GALNTL6: variants seen among roughly 807,000 people sequenced by gnomAD.
GALNTL6 encodes the protein polypeptide N-acetylgalactosaminyltransferase-like 6.
GALNTL6 carries 46 observed loss-of-function variants against 73.7 expected under a neutral mutation model. The observed-to-expected ratio is 0.62, with a 90% CI of 0.49 to 0.80. The LOEUF (loss-of-function observed/expected upper bound fraction) is 0.80. Among genes scored for constraint, GALNTL6 ranks in the 30% least tolerant of loss-of-function variants. The pLI, the probability that GALNTL6 is intolerant of heterozygous loss-of-function variation, is 0.00. For synonymous variants in GALNTL6, 259 were observed against 263.7 expected, an observed-to-expected ratio of 0.98 and a Z score of 0.17; for missense variants, 604 against 755.0, an observed-to-expected ratio of 0.80 and a Z score of 2.34.
At chr4:172,581,895 G>T (rs913874125) in intron 5 of GALNTL6, among the ~76,000 whole-genome samples, 1 of 152,224 alleles carries the variant, frequency 6.6e-6, no homozygotes, top group Non-Finnish European at 1.5e-5. Context: ...ACCAGGTCAG[G>T]ATAGATCTGG....
Position 171,863,761 on chromosome 4 carries a change from C to T in GALNTL6, c.138+49043C>T, listed in dbSNP as rs183113456. The stretch of plus-strand genomic sequence containing the variant: ...ATAATACCTGAGGAGAAAAGGAACA[C>T]TTTTTTTTTTTTTGAGACATAGTTT... On this transcript the variant is annotated intron_variant, in intron 2 of 12. Coordinates refer to ENST00000506823, the MANE Select transcript of GALNTL6 (RefSeq NM_001034845.3). Among the ~76,000 whole-genome samples the T allele has an allele frequency of 1.0e-2, 1,450 of 145,482 alleles. 11 individuals carry two copies. Among genetic ancestry groups the T allele is most frequent in the South Asian group, 0.029 (132 of 4,582 alleles).
intron 2 of GALNTL6, among the ~76,000 whole-genome samples, chr4:172,181,723 T>C (rs968125553): frequency 5.3e-5 from 8 of 151,206 alleles, no homozygotes; most frequent in Non-Finnish European, 1.2e-4. Context: ...TCTTCTTTTT[T>C]TTTTTTTTTT....
At chr4:172,453,971 G>A (rs987591174) in intron 5 of GALNTL6, among the ~76,000 whole-genome samples, 6 of 152,108 alleles carry the variant, frequency 3.9e-5, no homozygotes, top group Non-Finnish European at 8.8e-5. Context: ...ATACTATGAA[G>A]GAATTAATCT....
chr4:172,627,162 C>T (rs114402532), intron 5 of GALNTL6, among the ~76,000 whole-genome samples: 158 of 152,036 alleles, frequency 1.0e-3, no homozygotes, highest in African/African-American at 3.6e-3. Flanking sequence ...TTCTGAGGTA[C>T]GTTTCTTCAA....
At chr4:171,932,197 T>A (rs949446241) in intron 2 of GALNTL6, among the ~76,000 whole-genome samples, 5 of 152,148 alleles carry the variant, frequency 3.3e-5, no homozygotes, top group African/African-American at 1.2e-4. Context: ...ATAGCATAAA[T>A]AGCATACACT....
chr4:172,813,262 C>A lies in GALNTL6; in HGVS notation c.740-278C>A, dbSNP rs143955237. On this transcript the variant is annotated intron_variant, in intron 6 of 12. Transcript: ENST00000506823. The stretch of plus-strand genomic sequence containing the variant: ...ATGACAGACTGGGGACAGGTCAGGG[C>A]AAAAATGTGACAGAGGTAGAGCTAA... Among the ~76,000 whole-genome samples the A allele has an allele frequency of 4.7e-3, 719 of 152,196 alleles. 7 individuals are homozygous for A. Among genetic ancestry groups the A allele is most frequent in the African/African-American group, 0.016 (676 of 41,552 alleles).
chr4:171,962,987 C>G (rs1296781457), intron 2 of GALNTL6, among the ~76,000 whole-genome samples: 1 of 151,270 alleles, frequency 6.6e-6, no homozygotes, highest in East Asian at 1.9e-4. Context: ...AGGATGGTCT[C>G]AATCTCTTGA....
chr4:172,002,226 C>A (rs1184649413), intron 2 of GALNTL6, among the ~76,000 whole-genome samples: 1 of 152,160 alleles, frequency 6.6e-6, no homozygotes, highest in Non-Finnish European at 1.5e-5. Flanking sequence ...TATGTTGAAA[C>A]TGAATCCTCA....
chr4:172,788,068 G>A (rs1739760338), intron 5 of GALNTL6, among the ~76,000 whole-genome samples: 1 of 152,146 alleles, frequency 6.6e-6, no homozygotes, highest in Admixed American at 6.6e-5. Flanking sequence ...GGAGCAGGCT[G>A]GGCATGGTGG....
chr4:172,455,710 G>T lies in GALNTL6; in HGVS notation c.553+107021G>T, dbSNP rs545535881. The stretch of plus-strand genomic sequence containing the variant: ...TGAAAGAAGGCAGCAGCCACAGTCA[G>T]GGGCTTATTCCCATCTCCCTGGGAC... On this transcript the variant is annotated intron_variant, in intron 5 of 12. Transcript: ENST00000506823. Among the ~76,000 whole-genome samples the T allele has an allele frequency of 5.9e-5, 9 of 152,262 alleles. No individual in the cohort carries two copies. The East Asian group carries it at 1.7e-3, about 29-fold the overall frequency.
intron 9 of GALNTL6, among the ~76,000 whole-genome samples, chr4:172,939,169 G>A (rs1748783795): frequency 6.6e-6 from 1 of 152,032 alleles, no homozygotes; most frequent in Middle Eastern, 3.2e-3. Context: ...GGTGGCATGT[G>A]CCTATAGTCC....
At chr4:172,744,332 A>G (rs1056225049) in intron 5 of GALNTL6, among the ~76,000 whole-genome samples, 1 of 152,108 alleles carries the variant, frequency 6.6e-6, no homozygotes, top group Admixed American at 6.6e-5. Context: ...CTTAGCTATC[A>G]TAACACATGG....
At chr4:172,206,851 T>G (rs1736145186) in intron 2 of GALNTL6, among the ~76,000 whole-genome samples, 1 of 126,784 alleles carries the variant, frequency 7.9e-6, no homozygotes, top group Non-Finnish European at 1.6e-5. Flanking sequence ...GGAGTCTCAC[T>G]CTGTCGCCCA....
chr4:172,015,893 T>G (rs1038743721), intron 2 of GALNTL6, among the ~76,000 whole-genome samples: 3 of 147,718 alleles, frequency 2.0e-5, no homozygotes, highest in African/African-American at 7.4e-5. Context: ...ATAAGCTACC[T>G]GCTGAGAAAT....
At position 172,508,041 on chromosome 4, in the gene GALNTL6, A is replaced by G. The variant is rs533066709; in HGVS notation, c.553+159352A>G. On this transcript the variant is annotated intron_variant, in intron 5 of 12. Transcript: ENST00000506823. ...AACAGCGGTACATGGAAAACGTTTT[A>G]GCATGGGGATAAAGACTTTCCTTTA... 2.8e-3 allele frequency among the ~76,000 whole-genome samples: 157 copies of G among 55,372 alleles called. 64 individuals are homozygous for G. The highest frequency in any genetic ancestry group is 6.7e-3 in the African/African-American group (148 of 22,208). 36.3% of individuals were successfully genotyped at this position (55,372 alleles called of 152,430 possible). A position where few individuals can be genotyped will look rare whatever the true frequency, so the allele number is the denominator to read the frequency against.
intron 5 of GALNTL6, among the ~76,000 whole-genome samples, chr4:172,352,998 G>T (rs1741993151): frequency 6.6e-6 from 1 of 152,030 alleles, no homozygotes; most frequent in Non-Finnish European, 1.5e-5. Context: ...CCAAATTGTG[G>T]TGCATGGACC....
At position 172,318,272 on chromosome 4, in the gene GALNTL6, A is replaced by G. The variant is rs188267290; in HGVS notation, c.386+6520A>G. Among the ~76,000 whole-genome samples, 399 of 152,362 alleles carry G rather than the reference A, an allele frequency of 2.6e-3. 1 individual carries two copies. Among genetic ancestry groups the G allele is most frequent in the Non-Finnish European group, 4.3e-3 (293 of 68,040 alleles). ...CATTCTTGACTAAAGCCTGAAAAAG[A>G]CAGAAGGTGTTTATCACTGTAACTA... On this transcript the variant is annotated intron_variant, in intron 4 of 12. Transcript: ENST00000506823.
chr4:172,870,892 C>T (rs1744897282), intron 7 of GALNTL6, among the ~76,000 whole-genome samples: 1 of 152,014 alleles, frequency 6.6e-6, no homozygotes, highest in Non-Finnish European at 1.5e-5. Context: ...TTCTCTGGAC[C>T]CACTGAAAAA....
chr4:172,663,462 T>G (rs1472343579), intron 5 of GALNTL6, among the ~76,000 whole-genome samples: 2 of 152,328 alleles, frequency 1.3e-5, no homozygotes, highest in African/African-American at 4.8e-5. Flanking sequence ...CCATGTACTG[T>G]ATATTCAACC....
Sources: allele counts gnomAD v4.1 joint callset (sites outside exome capture counted in the v4.1 genomes callset), GRCh38; gene constraint gnomAD v4.1.1; transcripts MANE v1.5; gene names NCBI Gene and HGNC (gene_info 2026-07-23, HGNC 2026-07-21).